The following TMEM237 variants were observed in gnomAD, a reference collection of about 807,000 sequenced individuals.
TMEM237 encodes transmembrane protein 237.
TMEM237 carries 51 observed loss-of-function variants against 59.1 expected under a neutral mutation model. The ratio of observed to expected loss-of-function variants is 0.86; its 90% CI spans 0.69 to 1.09. The LOEUF is 1.09. TMEM237 is among the 50% of genes least tolerant of loss of function. The pLI is 0.00. For synonymous variants in TMEM237, 140 were observed against 166.1 expected (o/e 0.84, Z 1.21); for missense variants, 475 against 478.3 (o/e 0.99, Z 0.06).
chr2:201,641,730 T>TATACAC (rs1687425970), intron 1 of TMEM237, among the ~76,000 whole-genome samples: 1 of 150,710 alleles, frequency 6.6e-6, no homozygotes, highest in Non-Finnish European at 1.5e-5. Flanking sequence ...ATACACAAGA[T>TATACAC]ACACACACAC....
chr2:201,641,087 G>A lies in TMEM237; in HGVS notation c.43-163C>T, dbSNP rs140565653. On this transcript the variant is annotated intron_variant, in intron 1 of 12. Coordinates refer to ENST00000409883, the MANE Select transcript of TMEM237 (RefSeq NM_001044385.3). Reference sequence around the variant, plus strand: ...GCTCACTGCAGCTTCCATCTCCTGGGTTCAAGCAATTCCCCTGCCTCAGCC... The same window carrying A: ...GCTCACTGCAGCTTCCATCTCCTGGATTCAAGCAATTCCCCTGCCTCAGCC... Among the ~76,000 whole-genome samples, 142 of 152,132 alleles carry A rather than the reference G, an allele frequency of 9.3e-4. 2 individuals carry two copies. Among genetic ancestry groups the A allele is most frequent in the African/African-American group, 3.1e-3 (128 of 41,516 alleles).
Position 201,630,596 on chromosome 2 carries a change from T to A in TMEM237, c.554-744A>T, listed in dbSNP as rs78131935. The stretch of plus-strand genomic sequence containing the variant: ...CAATTTTCCCTAAGAAAAGACAACT[T>A]CTGGGCAGACAATAGAACCACTGGT... On this transcript the variant is annotated intron_variant, in intron 7 of 12. Coordinates refer to ENST00000409883, the MANE Select transcript of TMEM237 (RefSeq NM_001044385.3). Among the ~76,000 whole-genome samples, 380 of 152,304 alleles carry A rather than the reference T, an allele frequency of 2.5e-3. 2 individuals carry two copies. The highest frequency in any genetic ancestry group is 8.8e-3 in the African/African-American group (365 of 41,556).
intron 7 of TMEM237, among the ~76,000 whole-genome samples, chr2:201,630,127 TA>T (rs911591137): frequency 5.0e-4 from 75 of 151,276 alleles, no homozygotes; most frequent in African/African-American, 1.5e-3. Context: ...TTATATTTAA[TA>T]AAAAAAAATG....
At chr2:201,641,141 A>G (rs937954949) in intron 1 of TMEM237, among the ~76,000 whole-genome samples, 4 of 151,886 alleles carry the variant, frequency 2.6e-5, no homozygotes, top group Non-Finnish European at 4.4e-5. Context: ...ACAGGCACCC[A>G]CCACCATGCC....
At position 201,643,425 on chromosome 2, in the gene TMEM237, C is replaced by T. The variant is rs568671275; in HGVS notation, c.-25G>A. On this transcript the variant is annotated 5_prime_UTR_variant, in exon 1 of 13. Coordinates refer to ENST00000409883, the MANE Select transcript of TMEM237 (RefSeq NM_001044385.3). The surrounding 1 kb of genome is among the most constrained non-coding windows in gnomAD (Gnocchi z 4.3). ...TGGTGCTCTCCCCGCGGGGCTGCCC[C>T]GGCGCAACCGCCGGCGGCCCGAGCC... 522 of 1,486,214 alleles carry T rather than the reference C, an allele frequency of 3.5e-4. 3 individuals are homozygous for T. In the South Asian group the frequency reaches 6.4e-3, roughly 18 times the overall value. 92.1% of individuals were successfully genotyped at this position (1,486,214 alleles called of 1,614,324 possible).
chr2:201,642,475 A>T, intron 1 of TMEM237: 1 of 996,156 alleles, frequency 1.0e-6, no homozygotes, highest in Non-Finnish European at 1.5e-6. Flanking sequence ...GGCTCTGTTC[A>T]CGTAACTGAT....
rs746945048 is a variant in TMEM237 at position 201,629,215 on chromosome 2, A to C, written c.869+15T>G. Reference sequence around the variant, plus strand: ...TCCTGAAGAAGTTAGACAGATCTGGAGTCATAGGCATTACCTGTCAAAAGC... The same window carrying C: ...TCCTGAAGAAGTTAGACAGATCTGGCGTCATAGGCATTACCTGTCAAAAGC... On this transcript the variant is annotated intron_variant, in intron 9 of 12. Coordinates refer to ENST00000409883, the MANE Select transcript of TMEM237 (RefSeq NM_001044385.3). The C allele has an allele frequency of 6.6e-7, 1 of 1,520,866 alleles. No homozygotes were observed. Among genetic ancestry groups the C allele is most frequent in the Non-Finnish European group, 8.8e-7 (1 of 1,140,666 alleles). The allele number at this position is 1,520,866 out of a possible 1,614,324, so 94.2% of individuals were successfully genotyped here.
chr2:201,636,627 T>C, intron 5 of TMEM237, 121 bp downstream of exon 5: 5 of 1,170,084 alleles, frequency 4.3e-6, no homozygotes, highest in Admixed American at 2.8e-5. Flanking sequence ...ATTTTAAACA[T>C]AAAAGCAAGA....
In TMEM237 at chr2:201,622,588, A is replaced by G. The variant is rs540360125; in HGVS notation, c.*1667T>C. 28 of 152,836 alleles carry G rather than the reference A, an allele frequency of 1.8e-4. No individual in the cohort carries two copies. Among genetic ancestry groups the G allele is most frequent in the African/African-American group, 6.7e-4 (28 of 41,594 alleles). 9.5% of individuals were successfully genotyped at this position (152,836 alleles called of 1,614,324 possible). A position where few individuals can be genotyped will look rare whatever the true frequency, so the allele number is the denominator to read the frequency against. ...TTCCATCTTCAAAGCCAGCAATATCATAACTTCTGACCTCTCTGACCACAG... is the reference window on the plus strand; with the variant it reads ...TTCCATCTTCAAAGCCAGCAATATCGTAACTTCTGACCTCTCTGACCACAG... On this transcript the variant is annotated 3_prime_UTR_variant, in exon 13 of 13. Coordinates refer to ENST00000409883, the MANE Select transcript of TMEM237 (RefSeq NM_001044385.3).
intron 10 of TMEM237, 51 bp downstream of exon 10, chr2:201,628,025 T>A (rs1957774280): frequency 7.6e-7 from 1 of 1,323,378 alleles, no homozygotes; most frequent in East Asian, 2.4e-5. Flanking sequence ...GGTTCAAAAT[T>A]ATGGTATAAC....
intron 10 of TMEM237, 24 bp downstream of exon 10, chr2:201,628,052 T>A (rs766384457): frequency 3.8e-6 from 6 of 1,576,474 alleles, no homozygotes; most frequent in Non-Finnish European, 5.2e-6. Context: ...ATTACACAGT[T>A]ATCATGTTAA....
Position 201,629,389 on chromosome 2 carries a change from GC to G in TMEM237, c.709del (p.Ala237LeufsTer10). ...AACAATATTCCACACAGCACAGCCA[GC>G]CAAGAATCCATGAGAAAAGAGACCA... The part of the protein sequence containing the change: ...MIGLFSHGFL[A>X]GCAVWNIVVI... On this transcript the variant is annotated frameshift_variant, in exon 9 of 13. Transcript: ENST00000409883. LOFTEE classifies it high-confidence loss of function. The G allele has an allele frequency of 1.3e-6, 2 of 1,584,498 alleles. No individual in the cohort carries two copies. The highest frequency in any genetic ancestry group is 1.7e-6 in the Non-Finnish European group (2 of 1,171,364).
chr2:201,631,892 G>A (rs912056697), intron 7 of TMEM237, among the ~76,000 whole-genome samples, 159 bp downstream of exon 7: 1 of 152,156 alleles, frequency 6.6e-6, no homozygotes, highest in Non-Finnish European at 1.5e-5. Context: ...GTTGTTTCCA[G>A]TTTTTCACTC....
intron 12 of TMEM237, 149 bp downstream of exon 12, chr2:201,625,877 A>C (rs1957754041): frequency 1.1e-6 from 1 of 882,680 alleles, no homozygotes; most frequent in Non-Finnish European, 1.6e-6. Context: ...ATTCTGTTAC[A>C]CCACTTTATT....
chr2:201,625,793 A>G (rs1351958203), intron 12 of TMEM237, among the ~76,000 whole-genome samples: 2 of 152,174 alleles, frequency 1.3e-5, no homozygotes. Context: ...AAAATGCACA[A>G]GGGCCACAGA....
In TMEM237 at chr2:201,636,853, C is replaced by T. The variant is rs999613520; in HGVS notation, c.169G>A (p.Ala57Thr). 3.7e-6 allele frequency: 6 copies of T among 1,607,518 alleles called. No individual in the cohort carries two copies. The highest frequency in any genetic ancestry group is 2.2e-5 in the East Asian group (1 of 44,842). The change falls in exon 5 of 13, where the codon GCT (alanine) becomes ACT (threonine). Residue 57 changes from alanine to threonine, a missense_variant. Ala to Thr is a moderately conservative substitution (Grantham distance 58). Coordinates refer to ENST00000409883, the MANE Select transcript of TMEM237 (RefSeq NM_001044385.3). ...SASLEGLAQT[A>T]GRRPSEGNEP... Reference sequence around the variant, plus strand: ...TTGCCCTCAGAGGGCCTTCGACCAGCAGTCTGAGCAAGGCCTTCCAAAGAA... The same window carrying T: ...TTGCCCTCAGAGGGCCTTCGACCAGTAGTCTGAGCAAGGCCTTCCAAAGAA...
chr2:201,643,207 C>G lies in TMEM237; in HGVS notation c.42+152G>C, dbSNP rs1687467272. ...TGCGTCTCCGTCCCATTCCTGTGAA[C>G]ACTGGAGGGGCGGATGCGCGCACCC... is the stretch of plus-strand genomic sequence containing the variant. On this transcript the variant is annotated intron_variant, in intron 1 of 12. Transcript: ENST00000409883. The surrounding 1 kb of genome is among the most constrained non-coding windows in gnomAD (Gnocchi z 4.3). Among the ~76,000 whole-genome samples, 1 of 152,164 alleles carries G rather than the reference C, an allele frequency of 6.6e-6. No individual in the cohort carries two copies. Among genetic ancestry groups the G allele is most frequent in the Admixed American group, 6.5e-5 (1 of 15,286 alleles).
chr2:201,641,730 T>TAC (rs10673016), intron 1 of TMEM237, among the ~76,000 whole-genome samples: 5 of 150,710 alleles, frequency 3.3e-5, no homozygotes, highest in African/African-American at 1.2e-4. Flanking sequence ...ATACACAAGA[T>TAC]ACACACACAC....
chr2:201,631,606 C>G (rs1957808298), intron 7 of TMEM237, among the ~76,000 whole-genome samples: 1 of 152,130 alleles, frequency 6.6e-6, no homozygotes, highest in Non-Finnish European at 1.5e-5. Flanking sequence ...AATAAAGAAT[C>G]AGGCAGGGGT....
Sources: allele counts gnomAD v4.1 joint callset (sites outside exome capture counted in the v4.1 genomes callset), GRCh38; gene constraint gnomAD v4.1.1; non-coding constraint Gnocchi (gnomAD v3.1); transcripts MANE v1.5; gene names NCBI Gene and HGNC (gene_info 2026-07-23, HGNC 2026-07-21).